BID: variants seen among roughly 807,000 people sequenced by gnomAD.
BID encodes BH3 interacting domain death agonist.
BID carries 19 observed loss-of-function variants against 17.4 expected under a neutral mutation model. The observed-to-expected ratio is 1.09, with a 90% CI of 0.76 to 1.60. The LOEUF (loss-of-function observed/expected upper bound fraction) is 1.60. Among genes scored for constraint, BID ranks in the 40% most tolerant of loss-of-function variants. The probability of loss-of-function intolerance (pLI) is 0.00; values close to 1 mark genes in which losing one functional copy is unlikely to be tolerated. For synonymous variants in BID, 108 were observed against 102.8 expected (o/e 1.05, Z -0.31); for missense variants, 226 against 256.0 (o/e 0.88, Z 0.80).
At chr22:17,771,785 C>G (rs1337453230) in intron 1 of BID, among the ~76,000 whole-genome samples, 5,286 of 152,234 alleles carry the variant, frequency 0.035, 290 homozygotes, top group African/African-American at 0.12. Context: ...GCTGTAGGAA[C>G]CTGCCAGCAG....
At chr22:17,736,457 CAAAAA>C (rs10559377) in intron 5 of BID, among the ~76,000 whole-genome samples, 42 of 136,464 alleles carry the variant, frequency 3.1e-4, no homozygotes, top group Middle Eastern at 3.8e-3. Flanking sequence ...AATTCTGTCT[CAAAAA>C]AAAAAAAAAA....
At chr22:17,754,794 C>A (rs12168848) in intron 1 of BID, among the ~76,000 whole-genome samples, 10 of 152,172 alleles carry the variant, frequency 6.6e-5, no homozygotes, top group African/African-American at 2.4e-4. Context: ...GACAGAGTCT[C>A]ACCTGTGTAA....
intron 1 of BID, 107 bp downstream of exon 1, chr22:17,774,274 G>GC (rs1266594096): frequency 6.6e-6 from 1 of 151,626 alleles, no homozygotes; most frequent in Non-Finnish European, 1.5e-5. Flanking sequence ...CCGCGGTCGG[G>GC]CCCAGGGCGG....
At chr22:17,757,650 A>G (rs1215335987) in intron 1 of BID, among the ~76,000 whole-genome samples, 12 of 150,082 alleles carry the variant, frequency 8.0e-5, no homozygotes, top group East Asian at 3.9e-4. Flanking sequence ...CGGAGCTTGC[A>G]GTGAGCCAAG....
chr22:17,757,688 G>A lies in BID; in HGVS notation c.-58-7514C>T, dbSNP rs1344363866. Among the ~76,000 whole-genome samples, 329 of 141,310 alleles carry A rather than the reference G, an allele frequency of 2.3e-3. 1 individual carries two copies. Among genetic ancestry groups the A allele is most frequent in the Non-Finnish European group, 1.9e-3 (127 of 67,048 alleles). 92.7% of individuals were successfully genotyped at this position (141,310 alleles called of 152,430 possible). ...AGCGCCACTGTACTCCAGCCTGCGC[G>A]ACAGAGCGAGACTCCGTCTCAAAAA... is the stretch of plus-strand genomic sequence containing the variant. On this transcript the variant is annotated intron_variant, in intron 1 of 5. Transcript: ENST00000622694.
At chr22:17,744,227 C>T (rs1005185292) in intron 2 of BID, among the ~76,000 whole-genome samples, 4 of 152,068 alleles carry the variant, frequency 2.6e-5, no homozygotes, top group South Asian at 2.1e-4. Flanking sequence ...TGGCAGGGAG[C>T]GAGCCCCGAC....
At chr22:17,747,686 T>G (rs759313167) in intron 2 of BID, among the ~76,000 whole-genome samples, 1 of 152,184 alleles carries the variant, frequency 6.6e-6, no homozygotes, top group Non-Finnish European at 1.5e-5. Flanking sequence ...GAAAAAAATA[T>G]GTTAAGAGAA....
intron 2 of BID, among the ~76,000 whole-genome samples, chr22:17,747,477 C>T (rs1423963041): frequency 1.3e-5 from 2 of 151,984 alleles, no homozygotes; most frequent in South Asian, 2.1e-4. Flanking sequence ...CGTGCCACCA[C>T]GCCTGGCTAA....
Position 17,774,409 on chromosome 22 carries a change from G to A in BID, c.-87C>T. 1 of 268,332 alleles carries A rather than the reference G, an allele frequency of 3.7e-6. No individual in the cohort carries two copies. 16.6% of individuals were successfully genotyped at this position (268,332 alleles called of 1,614,324 possible). On this transcript the variant is annotated 5_prime_UTR_variant, in exon 1 of 6. The change creates a new upstream start codon in the 5' untranslated region. Transcript: ENST00000622694. ...CCTCCAGCCGCGGGGGCGCGGGCGC[G>A]TCCGGGCCGAGGCAGCGTCTCCCAG... is the stretch of plus-strand genomic sequence containing the variant.
intron 1 of BID, among the ~76,000 whole-genome samples, chr22:17,754,418 C>T (rs1418284416): frequency 6.6e-6 from 1 of 152,278 alleles, no homozygotes; most frequent in Non-Finnish European, 1.5e-5. Flanking sequence ...TCCAGGGTGC[C>T]CAGGGAGGGC....
intron 1 of BID, among the ~76,000 whole-genome samples, chr22:17,759,246 C>CAAAAAAAAAAAACAAAAAAAA (rs747701019): frequency 8.7e-6 from 1 of 114,788 alleles, no homozygotes; most frequent in Non-Finnish European, 1.9e-5. Context: ...AAAAACAAAA[C>CAAAAAAAAAAAACAAAAAAAA]AAAAAAAAAA....
At position 17,773,550 on chromosome 22, in the gene BID, A is replaced by G; in HGVS notation, c.-59+831T>C. ...GTCCATCTGCTCCTCACCTGCCCCA[A>G]CCCTGCCTGCAGGTGAAGGCCGGTC... On this transcript the variant is annotated intron_variant, in intron 1 of 5. Coordinates refer to ENST00000622694, the MANE Select transcript of BID (RefSeq NM_001196.4). This position sits in a 1 kb window ranked among gnomAD's most constrained non-coding sequence, Gnocchi z 4.4. 3.2e-6 allele frequency: 5 copies of G among 1,584,504 alleles called. No homozygotes were observed. The highest frequency in any genetic ancestry group is 1.1e-5 in the South Asian group (1 of 89,922).
Position 17,735,429 on chromosome 22 carries a change from A to ACAT in BID, c.*148_*150dup. On this transcript the variant is annotated 3_prime_UTR_variant, in exon 6 of 6. Coordinates refer to ENST00000622694, the MANE Select transcript of BID (RefSeq NM_001196.4). The stretch of plus-strand genomic sequence containing the variant: ...TATTTTAAAGTGGGTTATAAGTTTA[A>ACAT]CATTGTCTTTAAAATAGAAGTCACA... 1 of 810,600 alleles carries ACAT rather than the reference A, an allele frequency of 1.2e-6. No homozygotes were observed. Among genetic ancestry groups the ACAT allele is most frequent in the East Asian group, 2.7e-5 (1 of 37,496 alleles). 50.2% of individuals were successfully genotyped at this position (810,600 alleles called of 1,614,324 possible). A position where few individuals can be genotyped will look rare whatever the true frequency, so the allele number is the denominator to read the frequency against.
Position 17,750,324 on chromosome 22 carries a change from G to A in BID, c.-58-150C>T, listed in dbSNP as rs2061528362. On this transcript the variant is annotated intron_variant, in intron 1 of 5. Coordinates refer to ENST00000622694, the MANE Select transcript of BID (RefSeq NM_001196.4). ...CCGCATCCTGAGTTTCTTTCTCCTT[G>A]GCGGGAGCCAAGCTTTGTTTTCCTC... 8.6e-6 allele frequency: 6 copies of A among 697,498 alleles called. No individual in the cohort carries two copies. In the East Asian group the frequency reaches 1.6e-4, roughly 19 times the overall value. The allele number at this position is 697,498 out of a possible 1,614,324, so 43.2% of individuals were successfully genotyped here.
At chr22:17,761,848 C>T (rs1180739494) in intron 1 of BID, among the ~76,000 whole-genome samples, 1 of 152,194 alleles carries the variant, frequency 6.6e-6, no homozygotes. Flanking sequence ...TTTTCAGACT[C>T]AGGTACCATG....
At chr22:17,763,904 T>TA (rs3838142) in intron 1 of BID, among the ~76,000 whole-genome samples, 2,904 of 145,998 alleles carry the variant, frequency 0.02, 87 homozygotes, top group African/African-American at 0.065. Flanking sequence ...ACTTATAATT[T>TA]AAAAAAAAAA....
At chr22:17,766,325 A>T (rs1601879498) in intron 1 of BID, among the ~76,000 whole-genome samples, 1 of 140,634 alleles carries the variant, frequency 7.1e-6, no homozygotes, top group South Asian at 2.2e-4. Flanking sequence ...TTTGTCGCCC[A>T]GGCTGGAGTG....
At chr22:17,753,101 G>A (rs5747340) in intron 1 of BID, among the ~76,000 whole-genome samples, 75,950 of 149,078 alleles carry the variant, frequency 0.51, 20,036 homozygotes, top group East Asian at 0.93. Context: ...TGAGTAGCTA[G>A]GACTACAGGC....
chr22:17,737,871 T>G, intron 5 of BID, 146 bp downstream of exon 5: 1 of 826,004 alleles, frequency 1.2e-6, no homozygotes, highest in Non-Finnish European at 2.0e-6. Flanking sequence ...GCTTTCTAGC[T>G]CACAACAGCA....
Sources: gnomAD v4.1 joint callset for allele counts (sites outside exome capture counted in the v4.1 genomes callset) on GRCh38, gnomAD v4.1.1 for gene constraint, Gnocchi (gnomAD v3.1) non-coding constraint, MANE v1.5 for transcripts, NCBI Gene and HGNC (gene_info 2026-07-23, HGNC 2026-07-21) for gene names.